Variants in SEL1L2 observed in about 807,000 individuals in gnomAD.
The protein encoded by SEL1L2 is SEL1L2 adaptor subunit of SYVN1 ubiquitin ligase, also known as protein sel-1 homolog 2.
A neutral mutation model predicts 98.8 loss-of-function variants in SEL1L2; 89 were observed. That is an observed-to-expected ratio of 0.90 (90% confidence interval 0.76 to 1.07). The LOEUF is 1.07. Among genes scored for constraint, SEL1L2 ranks in the 50% least tolerant of loss-of-function variants. The pLI is 0.00. For synonymous variants in SEL1L2, 262 were observed against 278.5 expected, an observed-to-expected ratio of 0.94 and a Z score of 0.59; for missense variants, 788 against 812.0, an observed-to-expected ratio of 0.97 and a Z score of 0.36.
In SEL1L2 at chr20:13,885,038, T is replaced by C. The variant is rs143074873; in HGVS notation, c.957+309A>G. Among the ~76,000 whole-genome samples, 516 of 152,176 alleles carry C rather than the reference T, an allele frequency of 3.4e-3. 3 individuals are homozygous for C. Among genetic ancestry groups the C allele is most frequent in the Admixed American group, 8.6e-3 (131 of 15,288 alleles). On this transcript the variant is annotated intron_variant, in intron 10 of 19. Coordinates refer to ENST00000284951, the MANE Select transcript of SEL1L2 (RefSeq NM_025229.2). ...CAGGCCGGCAGGTGGGGATATTCTC[T>C]CTCCTAATCCCAGCCCAAAGTGCGT...
intron 5 of SEL1L2, among the ~76,000 whole-genome samples, chr20:13,905,963 C>A (rs2047912806): frequency 1.3e-5 from 2 of 151,548 alleles, no homozygotes; most frequent in Non-Finnish European, 2.9e-5. Flanking sequence ...CAACCTCCAC[C>A]TCCCAGGTTC....
chr20:13,959,526 G>A (rs921681539), intron 1 of SEL1L2, among the ~76,000 whole-genome samples: 2 of 152,182 alleles, frequency 1.3e-5, no homozygotes, highest in African/African-American at 4.8e-5. Flanking sequence ...AGGCCTGACC[G>A]CTCGTCGTAC....
At chr20:13,921,629 A>G (rs1000790819) in intron 3 of SEL1L2, among the ~76,000 whole-genome samples, 1 of 152,230 alleles carries the variant, frequency 6.6e-6, no homozygotes, top group African/African-American at 2.4e-5. Flanking sequence ...CAATAATGTC[A>G]GGTAAATAAA....
chr20:13,911,397 G>A lies in SEL1L2; in HGVS notation c.549+2385C>T, dbSNP rs1050761154. 3.5e-4 allele frequency among the ~76,000 whole-genome samples: 53 copies of A among 152,230 alleles called. 1 individual carries two copies. Among genetic ancestry groups the A allele is most frequent in the Admixed American group, 2.2e-3 (33 of 15,280 alleles). On this transcript the variant is annotated intron_variant, in intron 5 of 19. Coordinates refer to ENST00000284951, the MANE Select transcript of SEL1L2 (RefSeq NM_025229.2). Reference sequence around the variant, plus strand: ...TAGGTGTTGCCATTTTTAGTGGTGGGAGTGGAGTGAGGGTAACATTTGGTC... The same window carrying A: ...TAGGTGTTGCCATTTTTAGTGGTGGAAGTGGAGTGAGGGTAACATTTGGTC...
intron 5 of SEL1L2, among the ~76,000 whole-genome samples, chr20:13,913,107 G>A (rs1188068503): frequency 6.6e-6 from 1 of 152,132 alleles, no homozygotes; most frequent in African/African-American, 2.4e-5. Context: ...TGATCTCTGG[G>A]GGGAAAGCTT....
intron 2 of SEL1L2, among the ~76,000 whole-genome samples, chr20:13,949,262 G>C (rs141196634): frequency 6.6e-6 from 1 of 152,312 alleles, no homozygotes; most frequent in African/African-American, 2.4e-5. Context: ...ATATGCAAAT[G>C]GACATCAAGC....
At chr20:13,948,058 T>G (rs376252154) in intron 2 of SEL1L2, among the ~76,000 whole-genome samples, 2 of 152,164 alleles carry the variant, frequency 1.3e-5, no homozygotes, top group East Asian at 3.9e-4. Flanking sequence ...TGAGCAAAAC[T>G]TGGGCAAAGG....
At chr20:13,861,624 C>T (rs1487114505) in intron 17 of SEL1L2, among the ~76,000 whole-genome samples, 1 of 152,132 alleles carries the variant, frequency 6.6e-6, no homozygotes, top group Non-Finnish European at 1.5e-5. Flanking sequence ...TTTAATCGCT[C>T]TGAAGAGAAA....
upstream of SEL1L2, among the ~76,000 whole-genome samples, chr20:13,994,811 T>C (rs780331452): frequency 1.3e-5 from 2 of 152,156 alleles, no homozygotes; most frequent in South Asian, 2.1e-4. Flanking sequence ...CAATATAACA[T>C]TTTGGTTGTC....
At chr20:13,983,082 A>AAAAC (rs2051943902) in intron 1 of SEL1L2, among the ~76,000 whole-genome samples, 1 of 138,716 alleles carries the variant, frequency 7.2e-6, no homozygotes, top group Non-Finnish European at 1.5e-5. Context: ...AAGAGAGAAA[A>AAAAC]AAACACATGA....
chr20:13,943,305 T>C (rs2049863794), intron 2 of SEL1L2, among the ~76,000 whole-genome samples: 1 of 152,306 alleles, frequency 6.6e-6, no homozygotes, highest in South Asian at 2.1e-4. Flanking sequence ...AACATAAGAT[T>C]TATATTAACT....
intron 18 of SEL1L2, among the ~76,000 whole-genome samples, chr20:13,857,175 C>T (rs1989294434): frequency 6.7e-6 from 1 of 149,032 alleles, no homozygotes; most frequent in Non-Finnish European, 1.5e-5. Context: ...TTCTCATATC[C>T]AAGTGGGAGG....
intron 10 of SEL1L2, 54 bp downstream of exon 10, chr20:13,885,293 T>TCC (rs2046897016): frequency 8.7e-7 from 1 of 1,151,616 alleles, no homozygotes; most frequent in Non-Finnish European, 1.3e-6. Flanking sequence ...CCTGCCAGCC[T>TCC]CCCTCACCAC....
At chr20:13,915,297 T>C (rs983441277) in intron 4 of SEL1L2, 2 of 1,233,906 alleles carry the variant, frequency 1.6e-6, no homozygotes, top group African/African-American at 1.6e-5. Context: ...GATAGAAAAC[T>C]GGAGTTCAGG....
chr20:13,971,710 C>T (rs975616547), intron 1 of SEL1L2, among the ~76,000 whole-genome samples: 18 of 152,150 alleles, frequency 1.2e-4, no homozygotes, highest in Non-Finnish European at 1.2e-4. Context: ...GTTGGGATTA[C>T]AGGCGTGAGC....
chr20:13,936,938 T>A (rs1425517996), intron 2 of SEL1L2, among the ~76,000 whole-genome samples: 2 of 152,194 alleles, frequency 1.3e-5, no homozygotes, highest in Non-Finnish European at 2.9e-5. Context: ...TTGTACAAAA[T>A]CTAAGATTCC....
chr20:13,914,007 A>G, intron 4 of SEL1L2, 63 bp from the exon 5 acceptor site: 1 of 1,407,516 alleles, frequency 7.1e-7, no homozygotes, highest in South Asian at 1.4e-5. Flanking sequence ...TCCTTCTTCA[A>G]CACTATTCAT....
At position 13,865,532 on chromosome 20, in the gene SEL1L2, A is replaced by G. The variant is rs1990861744; in HGVS notation, c.1405-18T>C. On this transcript the variant is annotated intron_variant, in intron 15 of 19. Coordinates refer to ENST00000284951, the MANE Select transcript of SEL1L2 (RefSeq NM_025229.2). ...TTATAAAGCTGTACATGAGAGGAGA[A>G]ATCAAGGAGACTAGTTAGCCAGTAT... 6.2e-7 allele frequency: 1 copy of G among 1,603,962 alleles called. No homozygotes were observed. Among genetic ancestry groups the G allele is most frequent in the Admixed American group, 1.7e-5 (1 of 58,116 alleles).
intron 4 of SEL1L2, chr20:13,915,168 G>A (rs1264144175): frequency 1.6e-6 from 2 of 1,289,632 alleles, no homozygotes; most frequent in Non-Finnish European, 2.0e-6. Context: ...GCTGCTCTTG[G>A]GCAGAAGCTG....
Sources: gnomAD v4.1 joint callset for allele counts (sites outside exome capture counted in the v4.1 genomes callset) on GRCh38, gnomAD v4.1.1 for gene constraint, MANE v1.5 for transcripts, NCBI Gene and HGNC (gene_info 2026-07-23, HGNC 2026-07-21) for gene names.